Variants in ATP8B1 observed in about 807,000 individuals in gnomAD.
ATP8B1 encodes the protein ATPase phospholipid transporting 8B1, also known as phospholipid-transporting ATPase IC.
In ATP8B1, 80 loss-of-function variants were observed where a neutral mutation model predicts 149.9. That is an observed-to-expected ratio of 0.53 (90% CI 0.45 to 0.64). The LOEUF is 0.64. Ranked by LOEUF, ATP8B1 falls within the 30% of genes least tolerant of loss-of-function variation. The probability of loss-of-function intolerance (pLI) is 0.00; values close to 1 mark genes in which losing one functional copy is unlikely to be tolerated. For synonymous variants in ATP8B1, 536 were observed against 562.8 expected, an observed-to-expected ratio of 0.95 and a Z score of 0.67; for missense variants, 1,247 against 1,552.6, an observed-to-expected ratio of 0.80 and a Z score of 3.31.
intron 4 of ATP8B1, among the ~76,000 whole-genome samples, chr18:57,702,578 C>T (rs1913180447): frequency 6.6e-6 from 1 of 152,212 alleles, no homozygotes; most frequent in South Asian, 2.1e-4. Context: ...GATAACTGCG[C>T]CAGGCACGGT....
intron 1 of ATP8B1, among the ~76,000 whole-genome samples, chr18:57,756,190 AACATATAT>A (rs1225122204): frequency 5.1e-5 from 5 of 97,120 alleles, no homozygotes; most frequent in Admixed American, 2.2e-4. Flanking sequence ...ACATTTCCAC[AACATATAT>A]ATATATATAT....
At chr18:57,744,425 G>GA (rs1318101143) in intron 1 of ATP8B1, among the ~76,000 whole-genome samples, 16 of 150,736 alleles carry the variant, frequency 1.1e-4, no homozygotes, top group South Asian at 1.1e-3. Context: ...GAAAATGAAG[G>GA]AAAAAAAAAG....
intron 1 of ATP8B1, among the ~76,000 whole-genome samples, chr18:57,781,128 T>C (rs374602378): frequency 3.3e-5 from 5 of 152,200 alleles, no homozygotes; most frequent in African/African-American, 1.2e-4. Context: ...TAAATGCTGA[T>C]TGGTCTCCTT....
In ATP8B1 at chr18:57,710,448, G is replaced by A. The variant is rs147651386; in HGVS notation, c.182-3861C>T. The stretch of plus-strand genomic sequence containing the variant: ...GTGCCATCTGGAAGAGCAGATGAGT[G>A]CAGCCCTCCTCTCATCCTCTCTGTG... On this transcript the variant is annotated intron_variant, in intron 2 of 27. Coordinates refer to ENST00000648908, the MANE Select transcript of ATP8B1 (RefSeq NM_001374385.1). Among the ~76,000 whole-genome samples the A allele has an allele frequency of 2.6e-3, 392 of 152,218 alleles. 1 individual carries two copies. The highest frequency in any genetic ancestry group is 6.9e-3 in the African/African-American group (285 of 41,544).
intron 1 of ATP8B1, among the ~76,000 whole-genome samples, chr18:57,778,281 A>G (rs1457607207): frequency 7.0e-6 from 1 of 142,782 alleles, no homozygotes; most frequent in Non-Finnish European, 1.5e-5. Flanking sequence ...GCTGGAGTGC[A>G]GTGGTGCGAT....
chr18:57,762,397 C>T (rs906346104), intron 1 of ATP8B1, among the ~76,000 whole-genome samples: 4 of 152,178 alleles, frequency 2.6e-5, no homozygotes, highest in Admixed American at 1.3e-4. Context: ...CGTCAGCCCC[C>T]CGAAGTGCTG....
intron 1 of ATP8B1, among the ~76,000 whole-genome samples, chr18:57,778,662 T>C (rs1430714301): frequency 2.6e-5 from 4 of 152,264 alleles, no homozygotes; most frequent in African/African-American, 9.6e-5. Context: ...CCAAGCTCAC[T>C]CACAGGGCTG....
intron 2 of ATP8B1, among the ~76,000 whole-genome samples, chr18:57,718,515 T>G (rs1304304041): frequency 2.0e-5 from 3 of 152,238 alleles, no homozygotes; most frequent in African/African-American, 7.2e-5. Context: ...ACAAGGCCAG[T>G]ATTACCCTGA....
intron 15 of ATP8B1, among the ~76,000 whole-genome samples, chr18:57,676,458 G>A (rs903178783): frequency 2.6e-5 from 4 of 151,450 alleles, no homozygotes; most frequent in Admixed American, 6.6e-5. Context: ...AGTGGCTCAC[G>A]CCTGTAATCC....
At chr18:57,719,453 G>A (rs576278556) in intron 2 of ATP8B1, among the ~76,000 whole-genome samples, 2 of 152,228 alleles carry the variant, frequency 1.3e-5, no homozygotes, top group South Asian at 2.1e-4. Flanking sequence ...CCTGGGAAGC[G>A]CAAGGGGTCA....
intron 2 of ATP8B1, among the ~76,000 whole-genome samples, chr18:57,728,607 G>C (rs1427852883): frequency 6.6e-6 from 1 of 151,934 alleles, no homozygotes; most frequent in South Asian, 2.1e-4. Flanking sequence ...AAGAATTTTT[G>C]TAAAAAGTCA....
rs1909883428 is a variant in ATP8B1 at position 57,654,827 on chromosome 18, C to CAGGT, written c.2931+363_2931+366dup. 3.3e-5 allele frequency among the ~76,000 whole-genome samples: 5 copies of CAGGT among 151,730 alleles called. No homozygotes were observed. In the South Asian group the frequency reaches 1.0e-3, roughly 32 times the overall value. ...TCAGCCTCCCGAGTAGCTGGGATTA[C>CAGGT]AGGTGCCTGCCACCACACCCGGAAA... On this transcript the variant is annotated intron_variant, in intron 23 of 27. Transcript: ENST00000648908.
At position 57,655,405 on chromosome 18, in the gene ATP8B1, C is replaced by G; in HGVS notation, c.2720G>C (p.Gly907Ala). 6.2e-7 allele frequency: 1 copy of G among 1,614,124 alleles called. No individual in the cohort carries two copies. Among genetic ancestry groups the G allele is most frequent in the Non-Finnish European group, 8.5e-7 (1 of 1,180,006 alleles). The change falls in exon 23 of 28, where the codon GGC becomes GCC. Residue 907 changes from glycine to alanine, a missense_variant. By Grantham distance (60) the Gly-to-Ala change is moderately conservative. Coordinates refer to ENST00000648908, the MANE Select transcript of ATP8B1 (RefSeq NM_001374385.1). ...TCCTTCTTGTCCACTTATTCCAACG[C>G]CAATGTGGGCAGCTATGGGGCAGAG... is the stretch of plus-strand genomic sequence containing the variant. ...DVNMIKTAHI[G>A]VGISGQEGMQ...
chr18:57,793,456 G>C (rs1376018955), intron 1 of ATP8B1, among the ~76,000 whole-genome samples: 1 of 151,794 alleles, frequency 6.6e-6, no homozygotes, highest in Non-Finnish European at 1.5e-5. Flanking sequence ...CTTCTGCCTG[G>C]ACTGGTCTTC....
intron 2 of ATP8B1, among the ~76,000 whole-genome samples, chr18:57,730,410 T>A (rs559616580): frequency 2.0e-5 from 3 of 152,078 alleles, no homozygotes; most frequent in African/African-American, 7.2e-5. Flanking sequence ...TTTCTGTGAA[T>A]GTGATGCTAA....
chr18:57,668,987 T>G (rs932484586), intron 18 of ATP8B1: 1 of 215,258 alleles, frequency 4.6e-6, no homozygotes, highest in Non-Finnish European at 9.0e-6. Context: ...GAATATGAAT[T>G]GTTTCGGTAA....
chr18:57,728,845 G>A (rs778542105), intron 2 of ATP8B1, among the ~76,000 whole-genome samples: 3 of 150,752 alleles, frequency 2.0e-5, no homozygotes, highest in South Asian at 2.1e-4. Flanking sequence ...TCAGCCTCCC[G>A]AGTAGCTGGG....
At chr18:57,651,117 T>C (rs1909584908) in intron 26 of ATP8B1, among the ~76,000 whole-genome samples, 1 of 151,976 alleles carries the variant, frequency 6.6e-6, no homozygotes, top group African/African-American at 2.4e-5. Context: ...GACTTCTGAC[T>C]TTTTTTTGAG....
At chr18:57,729,205 G>A (rs903847383) in intron 2 of ATP8B1, among the ~76,000 whole-genome samples, 7 of 151,996 alleles carry the variant, frequency 4.6e-5, no homozygotes, top group Non-Finnish European at 8.8e-5. Context: ...ACCCAATCCC[G>A]GTCCCTTTGC....
Sources: gnomAD v4.1 joint callset for allele counts (sites outside exome capture counted in the v4.1 genomes callset) on GRCh38, gnomAD v4.1.1 for gene constraint, MANE v1.5 for transcripts, NCBI Gene and HGNC (gene_info 2026-07-23, HGNC 2026-07-21) for gene names.